The following STK38L variants were observed in gnomAD, a reference collection of about 807,000 sequenced individuals.
STK38L encodes the protein serine/threonine-protein kinase 38-like.
Under a neutral mutation model 59.7 loss-of-function variants are expected in STK38L, and 28 were observed. That is an observed-to-expected ratio of 0.47 (90% CI 0.35 to 0.64). STK38L has a LOEUF of 0.64. STK38L is among the 30% of genes least tolerant of loss of function. STK38L has a pLI of 0.01. For missense variants in STK38L, 314 were observed against 555.8 expected, an observed-to-expected ratio of 0.56 and a Z score of 4.37; for synonymous variants, 162 against 176.8, an observed-to-expected ratio of 0.92 and a Z score of 0.66.
intron 1 of STK38L, among the ~76,000 whole-genome samples, chr12:27,291,297 G>C (rs1462584353): frequency 6.6e-6 from 1 of 152,106 alleles, no homozygotes; most frequent in Non-Finnish European, 1.5e-5. Context: ...GTATGCTTAA[G>C]TGTGTCAGTG....
chr12:27,247,717 C>T (rs1942884590), intron 1 of STK38L, among the ~76,000 whole-genome samples: 1 of 152,052 alleles, frequency 6.6e-6, no homozygotes, highest in Non-Finnish European at 1.5e-5. Context: ...ACTGTCTTGC[C>T]CAGCCTGGAC....
chr12:27,281,712 A>G (rs1250869182), intron 1 of STK38L, among the ~76,000 whole-genome samples: 4 of 152,172 alleles, frequency 2.6e-5, no homozygotes, highest in Non-Finnish European at 4.4e-5. Context: ...CCAGATAATC[A>G]TGATCTAAGC....
Position 27,325,350 on chromosome 12 carries a change from A to AT in STK38L, c.*2900dup, listed in dbSNP as rs1346438232. The AT allele has an allele frequency of 6.6e-6, 1 of 152,118 alleles. No homozygotes were observed. Among genetic ancestry groups the AT allele is most frequent in the African/African-American group, 2.4e-5 (1 of 41,442 alleles). The allele number at this position is 152,118 out of a possible 1,614,324, so 9.4% of individuals were successfully genotyped here. A position where few individuals can be genotyped will look rare whatever the true frequency, so the allele number is the denominator to read the frequency against. On this transcript the variant is annotated 3_prime_UTR_variant, in exon 14 of 14. Transcript: ENST00000389032. ...TTTTCTGTTTTTTAAACACCTGCAT[A>AT]TTTTTATGTAAATCTCTAAATTTAA... is the stretch of plus-strand genomic sequence containing the variant.
At chr12:27,259,692 C>T (rs1450189152) in intron 1 of STK38L, among the ~76,000 whole-genome samples, 2 of 152,102 alleles carry the variant, frequency 1.3e-5, no homozygotes, top group East Asian at 1.9e-4. Context: ...CCTTAACCAA[C>T]GTACTCAGCC....
intron 1 of STK38L, among the ~76,000 whole-genome samples, chr12:27,269,438 C>T (rs528921203): frequency 3.0e-4 from 46 of 152,014 alleles, no homozygotes; most frequent in Non-Finnish European, 5.9e-4. Flanking sequence ...TGTAGATACG[C>T]GACATTATTT....
At chr12:27,276,156 T>A (rs578183205) in intron 1 of STK38L, among the ~76,000 whole-genome samples, 2 of 152,344 alleles carry the variant, frequency 1.3e-5, no homozygotes, top group East Asian at 3.9e-4. Flanking sequence ...TGTACCTCCC[T>A]GTGTGCACAT....
At chr12:27,252,473 AGTT>A (rs1202867822) in intron 1 of STK38L, among the ~76,000 whole-genome samples, 2 of 152,204 alleles carry the variant, frequency 1.3e-5, no homozygotes, top group Non-Finnish European at 2.9e-5. Context: ...ATTTTTACTT[AGTT>A]AAGTGTCTAC....
intron 12 of STK38L, among the ~76,000 whole-genome samples, chr12:27,320,139 C>G (rs1364748037): frequency 6.6e-6 from 1 of 152,220 alleles, no homozygotes; most frequent in Non-Finnish European, 1.5e-5. Context: ...GAAATGCCCT[C>G]TCCCTGCTGC....
At chr12:27,279,355 T>C (rs771009925) in intron 1 of STK38L, among the ~76,000 whole-genome samples, 3 of 152,230 alleles carry the variant, frequency 2.0e-5, no homozygotes, top group Non-Finnish European at 1.5e-5. Flanking sequence ...CAAAATGGAC[T>C]GTTTCTGGTG....
intron 2 of STK38L, among the ~76,000 whole-genome samples, chr12:27,299,726 T>C (rs570715755): frequency 1.3e-5 from 2 of 151,464 alleles, no homozygotes; most frequent in African/African-American, 4.8e-5. Context: ...AGTTCTAGAG[T>C]AACCATAAAA....
intron 2 of STK38L, among the ~76,000 whole-genome samples, chr12:27,301,496 G>A (rs752733836): frequency 9.2e-5 from 14 of 152,236 alleles, no homozygotes; most frequent in East Asian, 1.9e-4. Context: ...TCCTGACCTC[G>A]TGATCCGCCC....
chr12:27,296,147 A>G (rs945878516), intron 1 of STK38L, among the ~76,000 whole-genome samples: 1 of 152,214 alleles, frequency 6.6e-6, no homozygotes, highest in Non-Finnish European at 1.5e-5. Flanking sequence ...TTAAATCCTC[A>G]GGAGAAAAAA....
At chr12:27,257,864 C>CTT (rs112918365) in intron 1 of STK38L, among the ~76,000 whole-genome samples, 38 of 140,674 alleles carry the variant, frequency 2.7e-4, no homozygotes, top group Middle Eastern at 3.6e-3. Flanking sequence ...TTATGTCAAG[C>CTT]TTTTTTTTTT....
chr12:27,291,191 T>G (rs774620671), intron 1 of STK38L, among the ~76,000 whole-genome samples: 6 of 152,202 alleles, frequency 3.9e-5, no homozygotes, highest in Non-Finnish European at 7.3e-5. Context: ...CTTGAGTGAT[T>G]CCCATTTATG....
chr12:27,244,787 T>G (rs1233868439), intron 1 of STK38L, among the ~76,000 whole-genome samples: 1 of 152,162 alleles, frequency 6.6e-6, no homozygotes, highest in Non-Finnish European at 1.5e-5. Flanking sequence ...TCCTAAAAAC[T>G]GATGCGTCAG....
intron 1 of STK38L, among the ~76,000 whole-genome samples, chr12:27,296,249 A>G (rs1170691036): frequency 1.3e-5 from 2 of 152,226 alleles, no homozygotes; most frequent in Non-Finnish European, 2.9e-5. Flanking sequence ...ATATGTAGCT[A>G]ATTTGACTTG....
chr12:27,266,374 T>C (rs1206797630), intron 1 of STK38L, among the ~76,000 whole-genome samples: 2 of 152,246 alleles, frequency 1.3e-5, no homozygotes, highest in East Asian at 1.9e-4. Flanking sequence ...GGAAAAACTT[T>C]TTAATGGAGC....
In STK38L at chr12:27,288,711, A is replaced by G. The variant is rs548364466; in HGVS notation, c.-11-8999A>G. On this transcript the variant is annotated intron_variant, in intron 1 of 13. Coordinates refer to ENST00000389032, the MANE Select transcript of STK38L (RefSeq NM_015000.4). ...GAATAACATAAAGATATATCATTTT[A>G]TATATATATTTATAAATTTGTTTTT... 2.9e-3 allele frequency among the ~76,000 whole-genome samples: 438 copies of G among 151,576 alleles called. 3 individuals carry two copies. Among genetic ancestry groups the G allele is most frequent in the Non-Finnish European group, 4.7e-3 (319 of 67,874 alleles).
chr12:27,263,181 G>T (rs1161451776), intron 1 of STK38L, among the ~76,000 whole-genome samples: 1 of 152,106 alleles, frequency 6.6e-6, no homozygotes, highest in Non-Finnish European at 1.5e-5. Flanking sequence ...AAAGCTTTTT[G>T]AAGACTCTTA....
Sources: gnomAD v4.1 joint callset for allele counts (sites outside exome capture counted in the v4.1 genomes callset) on GRCh38, gnomAD v4.1.1 for gene constraint, MANE v1.5 for transcripts, NCBI Gene and HGNC (gene_info 2026-07-23, HGNC 2026-07-21) for gene names.